The following DNM3 variants were observed in gnomAD, a reference collection of about 807,000 sequenced individuals.
The protein encoded by DNM3 is dynamin-3.
DNM3 carries 47 observed loss-of-function variants against 101.6 expected under a neutral mutation model. The observed-to-expected ratio is 0.46, with a 90% confidence interval of 0.37 to 0.59. The LOEUF (loss-of-function observed/expected upper bound fraction) is 0.59, where lower values mean the gene tolerates loss of function less well. Among genes scored for constraint, DNM3 ranks in the 20% least tolerant of loss-of-function variants. DNM3 has a pLI of 0.00. For missense variants in DNM3, 849 were observed against 1,085.7 expected, an observed-to-expected ratio of 0.78 and a Z score of 3.06; for synonymous variants, 385 against 387.9, an observed-to-expected ratio of 0.99 and a Z score of 0.09.
At position 171,963,793 on chromosome 1, in the gene DNM3, CA is replaced by C. The variant is rs78713150; in HGVS notation, c.236-23854del. On this transcript the variant is annotated intron_variant, in intron 2 of 20. Coordinates refer to ENST00000627582, the MANE Select transcript of DNM3 (RefSeq NM_015569.5). ...GTATATATATATATAAAATCACAGCCAAAAAAAAATCCTAAGAGATTGTTTT... is the reference window on the plus strand; with the variant it reads ...GTATATATATATATAAAATCACAGCCAAAAAAAATCCTAAGAGATTGTTTT... 2.2e-4 allele frequency among the ~76,000 whole-genome samples: 33 copies of C among 147,706 alleles called. 1 individual carries two copies. In the East Asian group the frequency reaches 4.9e-3, roughly 22 times the overall value.
At chr1:172,046,071 C>G (rs977428692) in intron 9 of DNM3, among the ~76,000 whole-genome samples, 2 of 152,128 alleles carry the variant, frequency 1.3e-5, no homozygotes, top group African/African-American at 4.8e-5. Flanking sequence ...ACCCAAAGGA[C>G]TATAAATCAC....
intron 8 of DNM3, among the ~76,000 whole-genome samples, 194 bp downstream of exon 8, chr1:172,042,338 A>T (rs1296260169): frequency 1.3e-5 from 2 of 152,134 alleles, no homozygotes; most frequent in Admixed American, 6.6e-5. Context: ...ATGAGATTTA[A>T]CTACATTTCA....
chr1:171,853,042 T>C (rs2125005026), intron 1 of DNM3, among the ~76,000 whole-genome samples: 1 of 152,298 alleles, frequency 6.6e-6, no homozygotes, highest in Non-Finnish European at 1.5e-5. Context: ...CCTCTCTGGG[T>C]CTAGACCTTC....
chr1:172,234,767 T>TA (rs2061473277), intron 14 of DNM3, among the ~76,000 whole-genome samples: 1 of 151,956 alleles, frequency 6.6e-6, no homozygotes, highest in Non-Finnish European at 1.5e-5. Context: ...ACCTATTTAA[T>TA]AAATGGTGCT....
chr1:172,194,749 G>C (rs534377564), intron 14 of DNM3, among the ~76,000 whole-genome samples: 2 of 151,544 alleles, frequency 1.3e-5, no homozygotes, highest in Non-Finnish European at 2.9e-5. Flanking sequence ...TTGATCCTAC[G>C]TGTGTCTCTG....
chr1:172,054,966 G>GC lies in DNM3; in HGVS notation c.1335+6223dup, dbSNP rs532223246. On this transcript the variant is annotated intron_variant, in intron 10 of 20. Transcript: ENST00000627582. ...AACAGCGAGACTCCATTTCCCCCCC[G>GC]CCCCCCCAAATAAAGAAAAAGAAAT... is the stretch of plus-strand genomic sequence containing the variant. Among the ~76,000 whole-genome samples, 18 of 53,350 alleles carry GC rather than the reference G, an allele frequency of 3.4e-4. No homozygotes were observed. The South Asian group carries it at 9.7e-3, about 29-fold the overall frequency. 35.0% of individuals were successfully genotyped at this position (53,350 alleles called of 152,430 possible).
intron 14 of DNM3, among the ~76,000 whole-genome samples, chr1:172,201,719 A>G (rs1350298409): frequency 6.6e-6 from 1 of 152,222 alleles, no homozygotes; most frequent in Non-Finnish European, 1.5e-5. Flanking sequence ...GCAATGGCAG[A>G]GAGGCTTTCA....
At chr1:172,081,559 T>C (rs2053151713) in intron 11 of DNM3, among the ~76,000 whole-genome samples, 1 of 152,194 alleles carries the variant, frequency 6.6e-6, no homozygotes, top group Non-Finnish European at 1.5e-5. Context: ...TTCTAGATTC[T>C]GTATTAAGGT....
chr1:171,882,271 AG>A (rs2036329912), intron 1 of DNM3, among the ~76,000 whole-genome samples: 1 of 141,276 alleles, frequency 7.1e-6, no homozygotes, highest in East Asian at 2.1e-4. Flanking sequence ...TGAACCTGGG[AG>A]GCGGAGGTTG....
At chr1:172,184,055 TG>T (rs777652021) in intron 14 of DNM3, among the ~76,000 whole-genome samples, 14 of 152,024 alleles carry the variant, frequency 9.2e-5, no homozygotes, top group Non-Finnish European at 1.9e-4. Flanking sequence ...TTGGATTAGT[TG>T]CTTTATCTCA....
chr1:172,077,853 C>T (rs1034606501), intron 11 of DNM3, among the ~76,000 whole-genome samples: 2 of 152,094 alleles, frequency 1.3e-5, no homozygotes, highest in African/African-American at 2.4e-5. Flanking sequence ...CCTGTATATC[C>T]TTGTTAACCT....
chr1:172,223,201 C>A (rs2060973959), intron 14 of DNM3, among the ~76,000 whole-genome samples: 1 of 151,654 alleles, frequency 6.6e-6, no homozygotes, highest in Non-Finnish European at 1.5e-5. Context: ...AACTTTGTAT[C>A]TGTTGATCTC....
intron 10 of DNM3, among the ~76,000 whole-genome samples, chr1:172,056,944 G>C (rs1242556706): frequency 6.6e-6 from 1 of 151,840 alleles, no homozygotes; most frequent in East Asian, 1.9e-4. Context: ...TGAAAACTTT[G>C]AAAAAAATTT....
chr1:172,092,941 G>A (rs1481314462), intron 13 of DNM3, 66 bp downstream of exon 13: 1 of 1,412,346 alleles, frequency 7.1e-7, no homozygotes, highest in African/African-American at 1.5e-5. Flanking sequence ...TCGCTTGATT[G>A]ACTATTTTTT....
chr1:172,415,516 T>A (rs1469957046), downstream of DNM3: 2 of 134,038 alleles, frequency 1.5e-5, no homozygotes, highest in South Asian at 2.7e-4. Flanking sequence ...ACAGAGCATT[T>A]TTTGTGAGTT....
At chr1:172,405,158 T>A (rs890351372) in intron 20 of DNM3, among the ~76,000 whole-genome samples, 7 of 152,084 alleles carry the variant, frequency 4.6e-5, no homozygotes, top group African/African-American at 1.7e-4. Flanking sequence ...TGGCTAAATA[T>A]CTTGTTTAGG....
At chr1:172,305,740 A>G (rs2064773493) in intron 15 of DNM3, among the ~76,000 whole-genome samples, 1 of 152,234 alleles carries the variant, frequency 6.6e-6, no homozygotes, top group Admixed American at 6.5e-5. Context: ...ACACAAATCA[A>G]TAAACATAAT....
chr1:172,350,316 TTGTGTGTGTGTGTGTG>T (rs5778730), intron 17 of DNM3, among the ~76,000 whole-genome samples: 2 of 148,032 alleles, frequency 1.4e-5, no homozygotes, highest in African/African-American at 5.0e-5. Context: ...CCATTTTATC[TTGTGTGTGTGTGTGTG>T]TGTGTGTGTG....
At chr1:172,068,160 T>C (rs1319364449) in intron 10 of DNM3, among the ~76,000 whole-genome samples, 2 of 152,094 alleles carry the variant, frequency 1.3e-5, no homozygotes, top group African/African-American at 4.8e-5. Context: ...AAACCCTGTC[T>C]TTACTAAAAA....
Sources: gnomAD v4.1 joint callset for allele counts (sites outside exome capture counted in the v4.1 genomes callset) on GRCh38, gnomAD v4.1.1 for gene constraint, MANE v1.5 for transcripts, NCBI Gene and HGNC (gene_info 2026-07-23, HGNC 2026-07-21) for gene names.